NTM: variants seen among roughly 807,000 people sequenced by gnomAD.
NTM encodes the protein neurotrimin.
A neutral mutation model predicts 42.1 loss-of-function variants in NTM; 13 were observed. That is an observed-to-expected ratio of 0.31 (90% confidence interval 0.20 to 0.49). The LOEUF (loss-of-function observed/expected upper bound fraction) is 0.49, where lower values mean the gene tolerates loss of function less well. NTM is among the 20% of genes least tolerant of loss of function. NTM has a pLI of 0.99. For missense variants in NTM, 373 were observed against 452.8 expected (o/e 0.82, Z 1.60); for synonymous variants, 187 against 179.2 (o/e 1.04, Z -0.35).
At chr11:132,244,328 T>C (rs943363361) in intron 4 of NTM, among the ~76,000 whole-genome samples, 3 of 152,234 alleles carry the variant, frequency 2.0e-5, no homozygotes, top group African/African-American at 7.2e-5. Flanking sequence ...TGGGTTTTTA[T>C]TGCTGTTTGA....
intron 7 of NTM, 126 bp from the exon 8 acceptor site, chr11:132,330,027 G>C (rs1173947425): frequency 2.1e-6 from 3 of 1,450,456 alleles, no homozygotes; most frequent in African/African-American, 2.8e-5. Context: ...CAAGGGACAT[G>C]GGCAAGAGGC....
At chr11:132,315,204 ATTTTCCT>A (rs2095396272) in intron 7 of NTM, 3 of 577,568 alleles carry the variant, frequency 5.2e-6, no homozygotes, top group Non-Finnish European at 6.6e-6. Flanking sequence ...TTAGTGTAAA[ATTTTCCT>A]TTTTCCAAAA....
chr11:132,042,204 G>T (rs183894746), intron 2 of NTM, among the ~76,000 whole-genome samples: 2 of 152,260 alleles, frequency 1.3e-5, no homozygotes, highest in Non-Finnish European at 1.5e-5. Context: ...TCAGAATCTA[G>T]AGGAGGTGTT....
chr11:131,595,573 A>G (rs1413195861), intron 1 of NTM, among the ~76,000 whole-genome samples: 2 of 152,202 alleles, frequency 1.3e-5, no homozygotes, highest in African/African-American at 2.4e-5. Flanking sequence ...ACATAAATAA[A>G]TGATATTTAG....
At chr11:131,476,252 G>A (rs1327267781) in intron 1 of NTM, among the ~76,000 whole-genome samples, 3 of 152,194 alleles carry the variant, frequency 2.0e-5, no homozygotes, top group African/African-American at 7.2e-5. Flanking sequence ...ACTCTTCCAT[G>A]CTATCTACAG....
intron 1 of NTM, chr11:131,573,592 C>T (rs532617467): frequency 6.6e-6 from 1 of 152,216 alleles, no homozygotes; most frequent in South Asian, 2.1e-4. Context: ...CCTCCAAGGC[C>T]TCGTCTTCTG....
intron 7 of NTM, chr11:132,317,800 A>G: frequency 1.8e-6 from 1 of 549,722 alleles, no homozygotes; most frequent in Non-Finnish European, 3.1e-6. Context: ...GTCTTAGAGG[A>G]TGTGGAAGGC....
At chr11:131,573,650 G>T (rs1161668999) in intron 1 of NTM, 2 of 152,186 alleles carry the variant, frequency 1.3e-5, no homozygotes, top group African/African-American at 4.8e-5. Context: ...GGAAGAAAAA[G>T]AAATAGAGAT....
At chr11:132,038,454 G>T (rs1227726397) in intron 2 of NTM, among the ~76,000 whole-genome samples, 1 of 152,176 alleles carries the variant, frequency 6.6e-6, no homozygotes, top group Non-Finnish European at 1.5e-5. Flanking sequence ...GTCTAGCAGG[G>T]CTGTTTGAAA....
chr11:132,023,034 T>A (rs540680636), intron 2 of NTM, among the ~76,000 whole-genome samples: 2 of 150,494 alleles, frequency 1.3e-5, no homozygotes, highest in South Asian at 4.3e-4. Context: ...GTGAAGCTCA[T>A]GGGAAGATGT....
chr11:131,623,855 C>A (rs2062824310), intron 1 of NTM, among the ~76,000 whole-genome samples: 1 of 152,206 alleles, frequency 6.6e-6, no homozygotes. Context: ...TGCTTTTCTT[C>A]CACTGTTAGC....
At chr11:131,763,709 C>CTTTTTTTT (rs557522093) in intron 1 of NTM, among the ~76,000 whole-genome samples, 1,409 of 71,140 alleles carry the variant, frequency 0.02, 228 homozygotes, top group East Asian at 0.04. Flanking sequence ...ATCTCTCTCT[C>CTTTTTTTT]TTTTTTTTTT....
At chr11:131,516,639 T>G (rs1442838704) in intron 1 of NTM, among the ~76,000 whole-genome samples, 1 of 152,176 alleles carries the variant, frequency 6.6e-6, no homozygotes, top group Non-Finnish European at 1.5e-5. Flanking sequence ...CTGAAAGTGC[T>G]GAGATTACAG....
At chr11:132,047,711 C>T (rs2078215234) in intron 2 of NTM, among the ~76,000 whole-genome samples, 1 of 152,248 alleles carries the variant, frequency 6.6e-6, no homozygotes, top group African/African-American at 2.4e-5. Flanking sequence ...ATGCCCTCCA[C>T]AGGCCTCCTT....
At chr11:132,252,467 G>A (rs3133902) in intron 4 of NTM, among the ~76,000 whole-genome samples, 72,275 of 151,652 alleles carry the variant, frequency 0.48, 17,603 homozygotes, top group African/African-American at 0.54. Flanking sequence ...TGGGAGAGGA[G>A]CAATTCTGTG....
At chr11:131,931,145 TG>T (rs2134087408) in intron 2 of NTM, among the ~76,000 whole-genome samples, 1 of 152,284 alleles carries the variant, frequency 6.6e-6, no homozygotes, top group South Asian at 2.1e-4. Context: ...ATAGGATTAG[TG>T]TCATAAAAAT....
At chr11:132,300,248 C>T (rs193050656) in intron 4 of NTM, among the ~76,000 whole-genome samples, 1 of 152,156 alleles carries the variant, frequency 6.6e-6, no homozygotes, top group Admixed American at 6.5e-5. Flanking sequence ...GTGATAAAGC[C>T]TAATTAGGGT....
chr11:131,911,371 G>A, intron 1 of NTM, 193 bp from the exon 2 acceptor site: 2 of 1,553,724 alleles, frequency 1.3e-6, no homozygotes, highest in Non-Finnish European at 1.7e-6. Flanking sequence ...GTCGCCGCGG[G>A]TTCACCGCTC....
chr11:132,146,570 G>C lies in NTM; in HGVS notation c.400+56G>C, dbSNP rs2137334787. 2 of 1,578,044 alleles carry C rather than the reference G, an allele frequency of 1.3e-6. No homozygotes were observed. The highest frequency in any genetic ancestry group is 2.7e-5 in the African/African-American group (2 of 74,204). On this transcript the variant is annotated intron_variant, in intron 3 of 8. Transcript: ENST00000683400. The surrounding 1 kb of genome is among the most constrained non-coding windows in gnomAD (Gnocchi z 4.5). ...GGCTGGCCAGCCTGGAAAGCCTTCA[G>C]GTAAAGGTTTGTTCTCTGATCCTCA... is the stretch of plus-strand genomic sequence containing the variant.
Sources: gnomAD v4.1 joint callset for allele counts (sites outside exome capture counted in the v4.1 genomes callset) on GRCh38, gnomAD v4.1.1 for gene constraint, Gnocchi (gnomAD v3.1) non-coding constraint, MANE v1.5 for transcripts, NCBI Gene and HGNC (gene_info 2026-07-23, HGNC 2026-07-21) for gene names.